EIF2B3: variants seen among roughly 807,000 people sequenced by gnomAD.
EIF2B3 encodes eukaryotic translation initiation factor 2B subunit gamma, also known as translation initiation factor eIF2B subunit gamma.
In EIF2B3, 20 loss-of-function variants were observed where a neutral mutation model predicts 54.1. The ratio of observed to expected loss-of-function variants is 0.37; its 90% CI spans 0.26 to 0.54. EIF2B3 has a LOEUF of 0.54. Ranked by LOEUF, EIF2B3 falls within the 20% of genes least tolerant of loss-of-function variation. The probability of loss-of-function intolerance (pLI) is 0.86; values close to 1 mark genes in which losing one functional copy is unlikely to be tolerated. For synonymous variants in EIF2B3, 153 were observed against 188.1 expected (o/e 0.81, Z 1.52); for missense variants, 448 against 547.8 (o/e 0.82, Z 1.82).
intron 6 of EIF2B3, among the ~76,000 whole-genome samples, chr1:44,885,092 T>C (rs1295530994): frequency 6.6e-6 from 1 of 152,230 alleles, no homozygotes; most frequent in East Asian, 1.9e-4. Context: ...CTAGGCCACT[T>C]GCTGGATACA....
At chr1:44,899,128 T>TAAACA (rs1656079914) in intron 5 of EIF2B3, among the ~76,000 whole-genome samples, 2 of 152,306 alleles carry the variant, frequency 1.3e-5, no homozygotes, top group Middle Eastern at 6.8e-3. Flanking sequence ...GCCTATGTCT[T>TAAACA]AAACAAAACA....
Position 44,970,602 on chromosome 1 carries a change from T to C in EIF2B3, c.294+7713A>G, listed in dbSNP as rs569868933. ...TGTCATGCATGGCACAGCTGCTCAG[T>C]GCAACTTTCTCCTTTAGAGAGATAA... On this transcript the variant is annotated intron_variant, in intron 3 of 11. Coordinates refer to ENST00000360403, the MANE Select transcript of EIF2B3 (RefSeq NM_020365.5). Among the ~76,000 whole-genome samples, 259 of 152,322 alleles carry C rather than the reference T, an allele frequency of 1.7e-3. 1 individual carries two copies. Among genetic ancestry groups the C allele is most frequent in the Non-Finnish European group, 2.8e-3 (188 of 68,024 alleles).
intron 9 of EIF2B3, 97 bp downstream of exon 9, chr1:44,875,521 G>T: frequency 1.8e-6 from 2 of 1,123,736 alleles, no homozygotes; most frequent in Non-Finnish European, 2.7e-6. Flanking sequence ...GGGCTGATGA[G>T]GTTCAGGACT....
At chr1:44,907,890 C>CAAA (rs71587071) in intron 5 of EIF2B3, among the ~76,000 whole-genome samples, 8 of 47,058 alleles carry the variant, frequency 1.7e-4, no homozygotes, top group Non-Finnish European at 2.6e-4. Flanking sequence ...AACTCCATCT[C>CAAA]AAAAAAAAAA....
intron 6 of EIF2B3, among the ~76,000 whole-genome samples, chr1:44,889,677 C>T (rs957460530): frequency 1.8e-4 from 28 of 151,860 alleles, no homozygotes; most frequent in Admixed American, 3.9e-4. Context: ...TACAGGCACA[C>T]GCCACCACAC....
chr1:44,942,770 T>C (rs1644051456), intron 3 of EIF2B3, among the ~76,000 whole-genome samples: 1 of 151,978 alleles, frequency 6.6e-6, no homozygotes, highest in Non-Finnish European at 1.5e-5. Flanking sequence ...AAACTAACAA[T>C]GATAACTAAT....
intron 5 of EIF2B3, among the ~76,000 whole-genome samples, chr1:44,912,214 G>A (rs1643530720): frequency 6.6e-6 from 1 of 152,180 alleles, no homozygotes; most frequent in African/African-American, 2.4e-5. Context: ...ATAAACATCA[G>A]TGCTTGATGG....
chr1:44,908,309 G>A (rs1643452735), intron 5 of EIF2B3, among the ~76,000 whole-genome samples: 1 of 152,166 alleles, frequency 6.6e-6, no homozygotes, highest in African/African-American at 2.4e-5. Flanking sequence ...GGTTATAAAT[G>A]TTACCACAGA....
intron 10 of EIF2B3, among the ~76,000 whole-genome samples, chr1:44,859,315 C>G (rs140315068): frequency 6.6e-6 from 1 of 151,324 alleles, no homozygotes; most frequent in African/African-American, 2.4e-5. Flanking sequence ...GGAGCATCTT[C>G]TTGGCTCTTA....
chr1:44,933,348 AG>A lies in EIF2B3; in HGVS notation c.455-6610del, dbSNP rs575643106. Among the ~76,000 whole-genome samples, 6 of 152,320 alleles carry A rather than the reference AG, an allele frequency of 3.9e-5. No homozygotes were observed. The South Asian group carries it at 1.2e-3, about 32-fold the overall frequency. ...ATATTAGGAAATTGGGCCAAATACA[AG>A]GTTGCATACATGTAGTGGGGGCAGA... On this transcript the variant is annotated intron_variant, in intron 4 of 11. Transcript: ENST00000360403.
chr1:44,965,076 C>T (rs1033398952), intron 3 of EIF2B3, among the ~76,000 whole-genome samples: 1 of 152,176 alleles, frequency 6.6e-6, no homozygotes, highest in Non-Finnish European at 1.5e-5. Flanking sequence ...CGCACCTTTA[C>T]TTAACAACAC....
chr1:44,957,991 T>C (rs1331113489), intron 3 of EIF2B3, among the ~76,000 whole-genome samples: 1 of 152,224 alleles, frequency 6.6e-6, no homozygotes, highest in Non-Finnish European at 1.5e-5. Flanking sequence ...CATGCAACAA[T>C]ACCACTACTA....
rs151082899 is a variant in EIF2B3, at chr1:44,891,556, G to A, written c.656+5799C>T. Among the ~76,000 whole-genome samples, 309 of 152,314 alleles carry A rather than the reference G, an allele frequency of 2.0e-3. 3 individuals are homozygous for A. Among genetic ancestry groups the A allele is most frequent in the African/African-American group, 6.8e-3 (283 of 41,576 alleles). On this transcript the variant is annotated intron_variant, in intron 6 of 11. Coordinates refer to ENST00000360403, the MANE Select transcript of EIF2B3 (RefSeq NM_020365.5). ...TCTCCTTACACTTATTTAATGCTCA[G>A]GATAGTGATTACTTTTGTGTATGTG...
chr1:44,919,916 T>C (rs1643704622), intron 5 of EIF2B3, among the ~76,000 whole-genome samples: 1 of 144,400 alleles, frequency 6.9e-6, no homozygotes, highest in South Asian at 2.2e-4. Flanking sequence ...GATATGGAGT[T>C]TCTCCATGTT....
chr1:44,969,516 T>C (rs115093999), intron 3 of EIF2B3, among the ~76,000 whole-genome samples: 1,624 of 152,338 alleles, frequency 0.011, 33 homozygotes, highest in African/African-American at 0.037. Context: ...GGTTTTTTAC[T>C]GTTTTTTAGA....
intron 8 of EIF2B3, among the ~76,000 whole-genome samples, chr1:44,876,592 C>A (rs1307673193): frequency 6.3e-4 from 4 of 6,398 alleles, no homozygotes; most frequent in Middle Eastern, 0.045. Context: ...GCCCCCCACC[C>A]GGCCAGCCGC....
intron 8 of EIF2B3, among the ~76,000 whole-genome samples, chr1:44,876,773 A>G (rs1655174432): frequency 1.4e-5 from 2 of 144,628 alleles, no homozygotes; most frequent in African/African-American, 5.3e-5. Context: ...GGTGGGGAAA[A>G]GATTGAGAAA....
intron 3 of EIF2B3, among the ~76,000 whole-genome samples, chr1:44,961,116 G>A (rs1406311712): frequency 6.6e-6 from 1 of 151,678 alleles, no homozygotes; most frequent in Non-Finnish European, 1.5e-5. Context: ...CAGGAGGATT[G>A]CTTGAGGCCA....
At chr1:44,919,020 C>A (rs1235093722) in intron 5 of EIF2B3, among the ~76,000 whole-genome samples, 1 of 152,112 alleles carries the variant, frequency 6.6e-6, no homozygotes, top group East Asian at 1.9e-4. Flanking sequence ...TTGGGTTAGA[C>A]TGTATCAGTG....
Sources: gnomAD v4.1 joint callset for allele counts (sites outside exome capture counted in the v4.1 genomes callset) on GRCh38, gnomAD v4.1.1 for gene constraint, MANE v1.5 for transcripts, NCBI Gene and HGNC (gene_info 2026-07-23, HGNC 2026-07-21) for gene names.